Variants in KCNJ4 observed in about 807,000 individuals in gnomAD.
KCNJ4 encodes potassium inwardly rectifying channel subfamily J member 4.
In KCNJ4, 3 loss-of-function variants were observed where a neutral mutation model predicts 25.6. The ratio of observed to expected loss-of-function variants is 0.12; its 90% CI spans 0.05 to 0.30. The LOEUF is 0.30. Ranked by LOEUF, KCNJ4 falls within the 10% of genes least tolerant of loss-of-function variation. KCNJ4 has a pLI of 1.00. For missense variants in KCNJ4, 286 were observed against 666.8 expected (o/e 0.43, Z 6.29); for synonymous variants, 257 against 283.9 (o/e 0.91, Z 0.95).
At chr22:38,435,118 G>T (rs2145936845) in intron 1 of KCNJ4, among the ~76,000 whole-genome samples, 1 of 152,288 alleles carries the variant, frequency 6.6e-6, no homozygotes, top group Non-Finnish European at 1.5e-5. Flanking sequence ...TGCAAGATGG[G>T]GAGACCATCA....
intron 1 of KCNJ4, among the ~76,000 whole-genome samples, chr22:38,444,198 T>C (rs1339815233): frequency 1.3e-5 from 2 of 152,150 alleles, no homozygotes; most frequent in Non-Finnish European, 2.9e-5. Flanking sequence ...GCAGGAACCT[T>C]GCCTCCCTAC....
chr22:38,434,193 G>C (rs1392393458), intron 1 of KCNJ4, among the ~76,000 whole-genome samples: 3 of 152,212 alleles, frequency 2.0e-5, no homozygotes, highest in Admixed American at 1.3e-4. Context: ...CTGCCAGGTT[G>C]TCATGCATCT....
intron 1 of KCNJ4, 105 bp from the exon 2 acceptor site, chr22:38,428,276 A>G: frequency 9.3e-7 from 1 of 1,078,436 alleles, no homozygotes; most frequent in Non-Finnish European, 1.3e-6. Context: ...AGCCTGGACC[A>G]GGACCTAAGA....
rs894096497 is a variant in KCNJ4 at position 38,451,639 on chromosome 22, T to G, written c.-40+3341A>C. Among the ~76,000 whole-genome samples the G allele has an allele frequency of 2.6e-5, 4 of 152,238 alleles. No individual in the cohort carries two copies. In the South Asian group the frequency reaches 8.3e-4, roughly 32 times the overall value. ...ACACAGGGACATCTGTCTGTCTGCT[T>G]CCAGATAGAGCTGGGAGCCAGAAGC... On this transcript the variant is annotated intron_variant, in intron 1 of 1. Transcript: ENST00000303592.
chr22:38,452,766 G>T, intron 1 of KCNJ4, among the ~76,000 whole-genome samples: 1 of 151,706 alleles, frequency 6.6e-6, no homozygotes. Flanking sequence ...TCCCCTCAGG[G>T]CCCCCATCTC....
intron 1 of KCNJ4, among the ~76,000 whole-genome samples, chr22:38,439,913 A>T (rs536326065): frequency 6.7e-6 from 1 of 149,446 alleles, no homozygotes; most frequent in Admixed American, 6.7e-5. Flanking sequence ...ACACGGTGAA[A>T]CCCCGTCTCT....
intron 1 of KCNJ4, among the ~76,000 whole-genome samples, chr22:38,448,220 T>C (rs1458923766): frequency 1.4e-5 from 2 of 142,280 alleles, no homozygotes; most frequent in Admixed American, 7.2e-5. Flanking sequence ...CATTCCAGCC[T>C]GGGTGACAAG....
At chr22:38,447,008 G>GCCT in intron 1 of KCNJ4, among the ~76,000 whole-genome samples, 1 of 151,284 alleles carries the variant, frequency 6.6e-6, no homozygotes, top group South Asian at 2.1e-4. Flanking sequence ...GGGGCAGGGG[G>GCCT]TAAAGGCTCA....
intron 1 of KCNJ4, among the ~76,000 whole-genome samples, chr22:38,441,816 A>T (rs2089336808): frequency 6.6e-6 from 1 of 152,248 alleles, no homozygotes; most frequent in Non-Finnish European, 1.5e-5. Context: ...CCTTGCCTTC[A>T]GCAGCACCGC....
intron 1 of KCNJ4, among the ~76,000 whole-genome samples, chr22:38,451,491 G>C (rs73157125): frequency 2.6e-5 from 4 of 152,296 alleles, no homozygotes; most frequent in Non-Finnish European, 4.4e-5. Context: ...TAGAGGGAGG[G>C]GATTAGTGCC....
Position 38,449,968 on chromosome 22 carries a change from G to T in KCNJ4, c.-40+5012C>A, listed in dbSNP as rs1018878792. On this transcript the variant is annotated intron_variant, in intron 1 of 1. Transcript: ENST00000303592. This position sits in a 1 kb window ranked among gnomAD's most constrained non-coding sequence, Gnocchi z 5.2. Reference sequence around the variant, plus strand: ...CCCGTGAGCGCCCGTGTGCGCGCCTGCAGGAGCGCGCGTGTGTGACTCAAG... The same window carrying T: ...CCCGTGAGCGCCCGTGTGCGCGCCTTCAGGAGCGCGCGTGTGTGACTCAAG... Among the ~76,000 whole-genome samples, 1 of 152,244 alleles carries T rather than the reference G, an allele frequency of 6.6e-6. No individual in the cohort carries two copies. The highest frequency in any genetic ancestry group is 1.5e-5 in the Non-Finnish European group (1 of 68,036).
At chr22:38,445,738 G>C (rs538638994) in intron 1 of KCNJ4, among the ~76,000 whole-genome samples, 1 of 152,126 alleles carries the variant, frequency 6.6e-6, no homozygotes, top group Non-Finnish European at 1.5e-5. Context: ...TTCATTTTCG[G>C]AAAACAAGTA....
At chr22:38,440,493 G>C (rs2089324835) in intron 1 of KCNJ4, among the ~76,000 whole-genome samples, 2 of 151,666 alleles carry the variant, frequency 1.3e-5, no homozygotes, top group Admixed American at 6.6e-5. Context: ...AGTGAGCCAA[G>C]ATCTTGCCAC....
intron 1 of KCNJ4, among the ~76,000 whole-genome samples, chr22:38,454,643 T>C (rs1329331254): frequency 4.6e-5 from 7 of 152,020 alleles, no homozygotes; most frequent in Non-Finnish European, 1.0e-4. Flanking sequence ...TCACCTGCCT[T>C]GAAGCTCCCC....
chr22:38,444,241 A>T (rs2089357828), intron 1 of KCNJ4, among the ~76,000 whole-genome samples: 1 of 152,214 alleles, frequency 6.6e-6, no homozygotes, highest in African/African-American at 2.4e-5. Context: ...GGCATAGAGT[A>T]GCTGCTTCAT....
intron 1 of KCNJ4, among the ~76,000 whole-genome samples, chr22:38,429,629 G>A (rs1186507906): frequency 6.6e-6 from 1 of 152,184 alleles, no homozygotes; most frequent in Non-Finnish European, 1.5e-5. Flanking sequence ...TGCCTGTCAA[G>A]CATCCCCAGC....
In KCNJ4 at chr22:38,449,959, T is replaced by TGCGCGCCTGCAGGA. The variant is rs1331461708; in HGVS notation, c.-40+5007_-40+5020dup. Among the ~76,000 whole-genome samples, 1 of 152,240 alleles carries TGCGCGCCTGCAGGA rather than the reference T, an allele frequency of 6.6e-6. No homozygotes were observed. The highest frequency in any genetic ancestry group is 1.5e-5 in the Non-Finnish European group (1 of 68,040). ...ACCCACCACCCCGTGAGCGCCCGTGTGCGCGCCTGCAGGAGCGCGCGTGTG... is the reference window on the plus strand; with the variant it reads ...ACCCACCACCCCGTGAGCGCCCGTGTGCGCGCCTGCAGGAGCGCGCCTGCAGGAGCGCGCGTGTG... On this transcript the variant is annotated intron_variant, in intron 1 of 1. Coordinates refer to ENST00000303592, the MANE Select transcript of KCNJ4 (RefSeq NM_152868.3). This position sits in a 1 kb window ranked among gnomAD's most constrained non-coding sequence, Gnocchi z 5.2.
chr22:38,453,815 C>T (rs1402547175), intron 1 of KCNJ4, among the ~76,000 whole-genome samples: 1 of 152,204 alleles, frequency 6.6e-6, no homozygotes, highest in Non-Finnish European at 1.5e-5. Context: ...GTCCCTCCTC[C>T]CAGTGAGAAT....
At chr22:38,437,918 C>T (rs1389745389) in intron 1 of KCNJ4, among the ~76,000 whole-genome samples, 2 of 152,098 alleles carry the variant, frequency 1.3e-5, no homozygotes, top group African/African-American at 4.8e-5. Flanking sequence ...GCCTGGCCAA[C>T]ATGGTGAAAC....
Sources: allele counts gnomAD v4.1 joint callset (sites outside exome capture counted in the v4.1 genomes callset), GRCh38; gene constraint gnomAD v4.1.1; non-coding constraint Gnocchi (gnomAD v3.1); transcripts MANE v1.5; gene names NCBI Gene and HGNC (gene_info 2026-07-23, HGNC 2026-07-21).